FOXN3: variants seen among roughly 807,000 people sequenced by gnomAD.
FOXN3 encodes the protein forkhead box N3.
In FOXN3, 7 loss-of-function variants were observed where a neutral mutation model predicts 38.4. The observed-to-expected ratio is 0.18, with a 90% CI of 0.10 to 0.34. The LOEUF (loss-of-function observed/expected upper bound fraction) is 0.34, where lower values mean the gene tolerates loss of function less well. Among genes scored for constraint, FOXN3 ranks in the 10% least tolerant of loss-of-function variants. FOXN3 has a pLI of 1.00. For synonymous variants in FOXN3, 230 were observed against 242.2 expected (o/e 0.95, Z 0.47); for missense variants, 456 against 613.4 (o/e 0.74, Z 2.71).
Position 89,478,698 on chromosome 14 carries a change from G to A in FOXN3, c.-14-66208C>T, listed in dbSNP as rs147008669. ...TATAATCCCAGCACTTTTGGAGGCC[G>A]AGGCAGGCGGATCACTTGAGGTCAG... On this transcript the variant is annotated intron_variant, in intron 1 of 6. Transcript: ENST00000345097. Among the ~76,000 whole-genome samples, 33 of 151,996 alleles carry A rather than the reference G, an allele frequency of 2.2e-4. No homozygotes were observed. The East Asian group carries it at 5.0e-3, about 23-fold the overall frequency.
intron 2 of FOXN3, among the ~76,000 whole-genome samples, chr14:89,365,503 T>A (rs1474326018): frequency 6.6e-6 from 1 of 152,092 alleles, no homozygotes; most frequent in African/African-American, 2.4e-5. Context: ...GCCAAAGAGG[T>A]GGCATCTTTA....
At chr14:89,394,042 G>A (rs72703614) in intron 2 of FOXN3, among the ~76,000 whole-genome samples, 28,825 of 151,862 alleles carry the variant, frequency 0.19, 2,921 homozygotes, top group South Asian at 0.39. Flanking sequence ...GAAGTGGAAG[G>A]GCAAAGAGGG....
At chr14:89,576,249 G>C (rs1895614370) in intron 1 of FOXN3, 1 of 152,220 alleles carries the variant, frequency 6.6e-6, no homozygotes, top group Non-Finnish European at 1.5e-5. Context: ...TGCTTTCGCA[G>C]ACTTCGCCGG....
chr14:89,184,359 T>A (rs184773092), intron 4 of FOXN3, among the ~76,000 whole-genome samples: 1 of 152,340 alleles, frequency 6.6e-6, no homozygotes, highest in Admixed American at 6.5e-5. Flanking sequence ...CTAGCATGGT[T>A]GTCAAGCCAT....
intron 3 of FOXN3, among the ~76,000 whole-genome samples, chr14:89,283,193 T>A (rs956803896): frequency 2.0e-5 from 3 of 152,228 alleles, no homozygotes; most frequent in Non-Finnish European, 2.9e-5. Flanking sequence ...ATCTTCTAAC[T>A]GTTAGAAGAT....
intron 4 of FOXN3, among the ~76,000 whole-genome samples, chr14:89,229,505 C>T (rs1342976920): frequency 2.0e-5 from 3 of 152,184 alleles, no homozygotes; most frequent in Non-Finnish European, 4.4e-5. Flanking sequence ...TGGGATCCAT[C>T]TTCACCCAAG....
chr14:89,561,234 C>T (rs145994463), intron 1 of FOXN3, among the ~76,000 whole-genome samples: 19 of 152,330 alleles, frequency 1.2e-4, no homozygotes, highest in African/African-American at 3.4e-4. Context: ...TATTTAGAGA[C>T]GGAGTTTCAC....
chr14:89,482,256 C>T (rs1291173636), intron 1 of FOXN3, among the ~76,000 whole-genome samples: 3 of 152,214 alleles, frequency 2.0e-5, no homozygotes, highest in Non-Finnish European at 2.9e-5. Flanking sequence ...TTCCCGGCCT[C>T]CTGCCAGAGA....
intron 1 of FOXN3, among the ~76,000 whole-genome samples, chr14:89,549,568 C>T (rs142916138): frequency 1.3e-5 from 2 of 152,014 alleles, no homozygotes; most frequent in Admixed American, 6.6e-5. Context: ...AACAGAAGCA[C>T]CACTTAAGAA....
intron 1 of FOXN3, among the ~76,000 whole-genome samples, chr14:89,505,657 C>T (rs1382354066): frequency 2.6e-5 from 4 of 151,884 alleles, no homozygotes; most frequent in Admixed American, 6.5e-5. Context: ...TGCCTTGGCC[C>T]CCCAAAGTGC....
Position 89,487,456 on chromosome 14 carries a change from G to A in FOXN3, c.-14-74966C>T, listed in dbSNP as rs575453158. ...AGTTTGTTGGAAATGCAAATTCTTG[G>A]CCCCTACCTGATATCTACTGAGTCA... On this transcript the variant is annotated intron_variant, in intron 1 of 6. Transcript: ENST00000345097. 2.0e-5 allele frequency among the ~76,000 whole-genome samples: 3 copies of A among 152,258 alleles called. No individual in the cohort carries two copies. In the East Asian group the frequency reaches 5.8e-4, roughly 29 times the overall value.
intron 1 of FOXN3, among the ~76,000 whole-genome samples, chr14:89,583,704 C>T (rs546258905): frequency 6.6e-6 from 1 of 152,076 alleles, no homozygotes; most frequent in African/African-American, 2.4e-5. Context: ...GGATTACAGG[C>T]GTGTGCCACC....
chr14:89,170,981 A>C (rs1887374156), intron 5 of FOXN3, among the ~76,000 whole-genome samples: 1 of 152,088 alleles, frequency 6.6e-6, no homozygotes, highest in Non-Finnish European at 1.5e-5. Flanking sequence ...AATCCAAAAA[A>C]GAAAGGAAAT....
intron 3 of FOXN3, among the ~76,000 whole-genome samples, chr14:89,282,312 T>C (rs946639666): frequency 1.4e-4 from 21 of 152,298 alleles, no homozygotes; most frequent in African/African-American, 5.1e-4. Context: ...TATACTAAAA[T>C]TAAATGAGCA....
In FOXN3 at chr14:89,281,000, G is replaced by C. The variant is rs768169675; in HGVS notation, c.695C>G (p.Pro232Arg). The C allele has an allele frequency of 6.2e-6, 10 of 1,613,560 alleles. No homozygotes were observed. In the Admixed American group the frequency reaches 1.5e-4, roughly 24 times the overall value. ...PQAYQSTSGP[P>R]IWPGSTFFKR... ...GAAGAAGGTACTGCCCGGCCAGATG[G>C]GTGGACCTGATGTGCTGAAAGAGAA... is the stretch of plus-strand genomic sequence containing the variant. Residue 232 changes from proline (P) to arginine (R), a missense_variant, in exon 4 of 6, where the codon CCC becomes CGC. Coordinates refer to ENST00000557258, the MANE Select transcript of FOXN3 (RefSeq NM_005197.4).
Position 89,158,257 on chromosome 14 carries a change from G to A in FOXN3, c.*4157C>T, listed in dbSNP as rs1440130670. The A allele has an allele frequency of 6.6e-6, 1 of 152,296 alleles. No individual in the cohort carries two copies. The highest frequency in any genetic ancestry group is 2.4e-5 in the African/African-American group (1 of 41,460). The allele number at this position is 152,296 out of a possible 1,614,324, so 9.4% of individuals were successfully genotyped here. ...AGCTGGGCACAGAAGGCCTCCACCT[G>A]GTTCTCACTCTACAGAGCCCACTGC... On this transcript the variant is annotated 3_prime_UTR_variant, in exon 6 of 6. Coordinates refer to ENST00000557258, the MANE Select transcript of FOXN3 (RefSeq NM_005197.4).
intron 2 of FOXN3, among the ~76,000 whole-genome samples, chr14:89,396,615 C>T (rs1000886608): frequency 7.9e-5 from 12 of 152,028 alleles, no homozygotes; most frequent in Non-Finnish European, 1.5e-4. Flanking sequence ...GGGTGGATCA[C>T]GAGGTCAGGA....
intron 5 of FOXN3, among the ~76,000 whole-genome samples, chr14:89,170,322 A>C (rs1887355628): frequency 6.6e-6 from 1 of 152,256 alleles, no homozygotes; most frequent in Non-Finnish European, 1.5e-5. Context: ...ACACGCACAC[A>C]CACACAAAAG....
chr14:89,589,193 C>G (rs150777579), intron 1 of FOXN3, among the ~76,000 whole-genome samples: 1 of 152,226 alleles, frequency 6.6e-6, no homozygotes, highest in East Asian at 1.9e-4. Context: ...ACTCCCAGAT[C>G]ATGAGACCAA....
Sources: gnomAD v4.1 joint callset for allele counts (sites outside exome capture counted in the v4.1 genomes callset) on GRCh38, gnomAD v4.1.1 for gene constraint, MANE v1.5 for transcripts, NCBI Gene and HGNC (gene_info 2026-07-23, HGNC 2026-07-21) for gene names.